ULK4: variants seen among roughly 807,000 people sequenced by gnomAD.
ULK4 encodes unc-51 like kinase 4.
Under a neutral mutation model 160.6 loss-of-function variants are expected in ULK4, and 133 were observed. The observed-to-expected ratio is 0.83, with a 90% CI of 0.72 to 0.96. ULK4 has a LOEUF of 0.96. Ranked by LOEUF, ULK4 falls within the 40% of genes least tolerant of loss-of-function variation. The pLI is 0.00. For synonymous variants in ULK4, 534 were observed against 539.8 expected, an observed-to-expected ratio of 0.99 and a Z score of 0.15; for missense variants, 1,580 against 1,499.5, an observed-to-expected ratio of 1.05 and a Z score of -0.89.
chr3:41,337,443 G>A lies in ULK4; in HGVS notation c.3678+60636C>T, dbSNP rs375912480. Among the ~76,000 whole-genome samples, 5 of 152,194 alleles carry A rather than the reference G, an allele frequency of 3.3e-5. No homozygotes were observed. The East Asian group carries it at 7.7e-4, about 24-fold the overall frequency. ...CTGTTCTGAGGGGTGAGGATGAAGG[G>A]AGGGGGATGACTGGTAGCTGAGGGG... On this transcript the variant is annotated intron_variant, in intron 35 of 36. Transcript: ENST00000301831.
At chr3:41,477,853 A>G (rs2084192382) in intron 32 of ULK4, among the ~76,000 whole-genome samples, 5 of 152,200 alleles carry the variant, frequency 3.3e-5, no homozygotes, top group Admixed American at 3.3e-4. Context: ...AATGTGACCA[A>G]ACATCTATGA....
intron 17 of ULK4, among the ~76,000 whole-genome samples, chr3:41,837,026 T>A (rs978321184): frequency 2.0e-5 from 3 of 152,234 alleles, no homozygotes; most frequent in Non-Finnish European, 4.4e-5. Context: ...GACTATTTCT[T>A]ACCATTGACA....
rs1337053657 is a variant in ULK4 at position 41,715,530 on chromosome 3, T to C, written c.2494A>G (p.Lys832Glu). Residue 832 changes from lysine to glutamate, a missense_variant, in exon 24 of 37, where the codon AAA becomes GAA. Lys to Glu is a moderately conservative substitution (Grantham distance 56). Transcript: ENST00000301831. ...LNSLANVSGR[K>E]HPSTVQVKQL... ...TTCACTTGAACTGTTGATGGGTGTTTACGTCCAGAAACATTAGCCAAGGAG... is the reference window on the plus strand; with the variant it reads ...TTCACTTGAACTGTTGATGGGTGTTCACGTCCAGAAACATTAGCCAAGGAG... 5 of 1,614,000 alleles carry C rather than the reference T, an allele frequency of 3.1e-6. No homozygotes were observed. The highest frequency in any genetic ancestry group is 4.2e-6 in the Non-Finnish European group (5 of 1,180,004).
At chr3:41,286,431 C>G (rs72862002) in intron 35 of ULK4, among the ~76,000 whole-genome samples, 2,481 of 152,166 alleles carry the variant, frequency 0.016, 74 homozygotes, top group African/African-American at 0.056. Context: ...ACGGATATGA[C>G]AAGCCCACCA....
At chr3:41,824,692 C>T (rs1000747506) in intron 18 of ULK4, among the ~76,000 whole-genome samples, 6 of 152,156 alleles carry the variant, frequency 3.9e-5, no homozygotes, top group South Asian at 2.1e-4. Context: ...TGGAGCCCAC[C>T]GCAGTTCAAG....
chr3:41,806,918 C>A (rs1053696545), intron 19 of ULK4, among the ~76,000 whole-genome samples: 2 of 152,068 alleles, frequency 1.3e-5, no homozygotes, highest in African/African-American at 2.4e-5. Flanking sequence ...GAGGCCATGG[C>A]AGGTGGATTG....
intron 32 of ULK4, among the ~76,000 whole-genome samples, chr3:41,484,699 A>T (rs9873086): frequency 6.6e-6 from 1 of 151,614 alleles, no homozygotes; most frequent in Non-Finnish European, 1.5e-5. Flanking sequence ...TGATCCGCCC[A>T]CCTTGGCCTC....
chr3:41,374,618 G>C (rs1184348130), intron 35 of ULK4, among the ~76,000 whole-genome samples: 2 of 152,094 alleles, frequency 1.3e-5, no homozygotes, highest in Non-Finnish European at 2.9e-5. Flanking sequence ...CAATAAACTA[G>C]GTATTGACGG....
chr3:41,269,864 A>C (rs2079106951), intron 35 of ULK4, among the ~76,000 whole-genome samples: 1 of 152,016 alleles, frequency 6.6e-6, no homozygotes. Flanking sequence ...AAAATCCTTA[A>C]CTCTTTGGGG....
intron 20 of ULK4, among the ~76,000 whole-genome samples, chr3:41,792,879 T>C (rs77838233): frequency 0.069 from 10,492 of 152,262 alleles, 497 homozygotes; most frequent in South Asian, 0.16. Flanking sequence ...CATTTACTTA[T>C]TAAAATAGAG....
At chr3:41,387,690 A>G (rs2081850889) in intron 35 of ULK4, among the ~76,000 whole-genome samples, 1 of 152,326 alleles carries the variant, frequency 6.6e-6, no homozygotes, top group Non-Finnish European at 1.5e-5. Context: ...ATGTCCCTAC[A>G]AAGAACATGA....
intron 19 of ULK4, among the ~76,000 whole-genome samples, chr3:41,810,871 CCATTA>C (rs1356568522): frequency 1.4e-4 from 22 of 151,964 alleles, no homozygotes; most frequent in African/African-American, 5.3e-4. Flanking sequence ...TGAGCATGGG[CCATTA>C]TTTTATTTCA....
intron 34 of ULK4, among the ~76,000 whole-genome samples, chr3:41,398,614 A>G (rs192789521): frequency 1.2e-3 from 171 of 146,448 alleles, no homozygotes; most frequent in Non-Finnish European, 2.3e-3. Context: ...CTAGTTTTGA[A>G]CTCCTGGGTT....
chr3:41,452,427 TGA>T (rs1268960667), intron 34 of ULK4, among the ~76,000 whole-genome samples: 1 of 152,164 alleles, frequency 6.6e-6, no homozygotes, highest in Non-Finnish European at 1.5e-5. Context: ...CTCTTTCCAC[TGA>T]GAGTTAAATC....
At chr3:41,360,883 T>C (rs1416109618) in intron 35 of ULK4, among the ~76,000 whole-genome samples, 1 of 151,772 alleles carries the variant, frequency 6.6e-6, no homozygotes, top group East Asian at 1.9e-4. Context: ...CGTTTACCTA[T>C]GTAACACACC....
At position 41,885,752 on chromosome 3, in the gene ULK4, C is replaced by T. The variant is rs4973990; in HGVS notation, c.1578-1800G>A. The stretch of plus-strand genomic sequence containing the variant: ...AGCCAGAGTGCAGTGGTGCAATCTC[C>T]GCTCACTGCAATGCCTCCCAGGCTC... On this transcript the variant is annotated intron_variant, in intron 16 of 36. Transcript: ENST00000301831. Among the ~76,000 whole-genome samples, 1,386 of 152,048 alleles carry T rather than the reference C, an allele frequency of 9.1e-3. 69 individuals carry two copies. The highest frequency in any genetic ancestry group is 0.076 in the Admixed American group (1,154 of 15,278).
At chr3:41,683,958 G>C (rs906184910) in intron 27 of ULK4, among the ~76,000 whole-genome samples, 1 of 152,170 alleles carries the variant, frequency 6.6e-6, no homozygotes, top group African/African-American at 2.4e-5. Flanking sequence ...CTGATAGCAC[G>C]TGGGTCCACA....
chr3:41,259,033 T>C (rs1198453943), intron 35 of ULK4, among the ~76,000 whole-genome samples: 2 of 148,976 alleles, frequency 1.3e-5, no homozygotes, highest in African/African-American at 4.9e-5. Flanking sequence ...TATGTGTATA[T>C]ATACGTATAC....
intron 3 of ULK4, chr3:41,936,957 C>T (rs1201335781): frequency 4.1e-5 from 8 of 193,778 alleles, no homozygotes; most frequent in Non-Finnish European, 8.4e-5. Context: ...GAAATGGATA[C>T]CCCATTTACC....
Sources: gnomAD v4.1 joint callset for allele counts (sites outside exome capture counted in the v4.1 genomes callset) on GRCh38, gnomAD v4.1.1 for gene constraint, MANE v1.5 for transcripts, NCBI Gene and HGNC (gene_info 2026-07-23, HGNC 2026-07-21) for gene names.